VPS16: variants seen among roughly 807,000 people sequenced by gnomAD.
VPS16 encodes vacuolar protein sorting-associated protein 16 homolog.
VPS16 carries 82 observed loss-of-function variants against 116.0 expected under a neutral mutation model. That is an observed-to-expected ratio of 0.71 (90% confidence interval 0.59 to 0.85). The LOEUF is 0.85. Ranked by LOEUF, VPS16 falls within the 40% of genes least tolerant of loss-of-function variation. The pLI is 0.00. For synonymous variants in VPS16, 406 were observed against 420.7 expected, an observed-to-expected ratio of 0.96 and a Z score of 0.43; for missense variants, 928 against 1,090.6, an observed-to-expected ratio of 0.85 and a Z score of 2.10.
At position 2,860,292 on chromosome 20, in the gene VPS16, C is replaced by G; in HGVS notation, c.294C>G (p.Leu98=). The G allele has an allele frequency of 6.2e-7, 1 of 1,614,038 alleles. No individual in the cohort carries two copies. Among genetic ancestry groups the G allele is most frequent in the Non-Finnish European group, 8.5e-7 (1 of 1,180,006 alleles). ...SLGWSAEEEL[L]CVQEDGAVLV... is the part of the protein sequence containing the mutation. ...GCTGGTCAGCTGAGGAGGAGCTGCTCTGTGTGCAGGAAGATGGTGCTGTAC... is the reference window on the plus strand; with the variant it reads ...GCTGGTCAGCTGAGGAGGAGCTGCTGTGTGTGCAGGAAGATGGTGCTGTAC... Residue 98 remains leucine, a synonymous_variant, in exon 4 of 24, where the codon CTC becomes CTG. Coordinates refer to ENST00000380445, the MANE Select transcript of VPS16 (RefSeq NM_022575.4). This position sits in a 1 kb window ranked among gnomAD's most constrained non-coding sequence, Gnocchi z 6.1.
At position 2,864,666 on chromosome 20, in the gene VPS16, A is replaced by G. The variant is rs1555797867; in HGVS notation, c.1926+12A>G. 11 of 1,613,250 alleles carry G rather than the reference A, an allele frequency of 6.8e-6. No homozygotes were observed. The highest frequency in any genetic ancestry group is 9.3e-6 in the Non-Finnish European group (11 of 1,179,694). On this transcript the variant is annotated intron_variant, in intron 19 of 23. Coordinates refer to ENST00000380445, the MANE Select transcript of VPS16 (RefSeq NM_022575.4). This position sits in a 1 kb window ranked among gnomAD's most constrained non-coding sequence, Gnocchi z 5.2. ...ATGCTGCAGAAGAGGTCTGAGATCCATGGGGCGTGTGGGGCGTGTGGGGCA... is the reference window on the plus strand; with the variant it reads ...ATGCTGCAGAAGAGGTCTGAGATCCGTGGGGCGTGTGGGGCGTGTGGGGCA...
Position 2,860,423 on chromosome 20 carries a change from C to T in VPS16, c.370-26C>T. 1.2e-6 allele frequency: 2 copies of T among 1,614,036 alleles called. No homozygotes were observed. The highest frequency in any genetic ancestry group is 2.2e-5 in the South Asian group (2 of 91,082). On this transcript the variant is annotated intron_variant, in intron 4 of 23. Transcript: ENST00000380445. This position sits in a 1 kb window ranked among gnomAD's most constrained non-coding sequence, Gnocchi z 6.1. Reference sequence around the variant, plus strand: ...GTAGAGTTTATGACCCTGTGGCTCCCTTAACCCATGGCCCCCTTTCCTCAG... The same window carrying T: ...GTAGAGTTTATGACCCTGTGGCTCCTTTAACCCATGGCCCCCTTTCCTCAG...
rs1568627613 is a variant in VPS16 at position 2,861,209 on chromosome 20, G to T, written c.754-16G>T. The T allele has an allele frequency of 1.9e-6, 3 of 1,614,198 alleles. No homozygotes were observed. The highest frequency in any genetic ancestry group is 2.2e-5 in the East Asian group (1 of 44,880). On this transcript the variant is annotated splice_polypyrimidine_tract_variant and intron_variant, in intron 7 of 23. Transcript: ENST00000380445. ...ACTGCTGGGACAGGGCCATGACATT[G>T]CCCACACCATTTCAGGAGAAGCTAT...
At position 2,860,192 on chromosome 20, in the gene VPS16, G is replaced by C. The variant is rs769000519; in HGVS notation, c.240+41G>C. 17 of 1,613,832 alleles carry C rather than the reference G, an allele frequency of 1.1e-5. No individual in the cohort carries two copies. In the Admixed American group the frequency reaches 2.3e-4, roughly 22 times the overall value. Reference sequence around the variant, plus strand: ...GGTCCCTGGGGCTCAGGGCTGGACAGGGTTTCCTCACCTGAGGACAGCCTT... The same window carrying C: ...GGTCCCTGGGGCTCAGGGCTGGACACGGTTTCCTCACCTGAGGACAGCCTT... On this transcript the variant is annotated intron_variant, in intron 3 of 23. Transcript: ENST00000380445. This position sits in a 1 kb window ranked among gnomAD's most constrained non-coding sequence, Gnocchi z 6.1.
In VPS16 at chr20:2,861,088, T is replaced by C. The variant is rs1448423583; in HGVS notation, c.749T>C (p.Leu250Pro). The change falls in exon 7 of 24, where the codon CTC (leucine) becomes CCC (proline). Residue 250 changes from leucine (L) to proline (P), a missense_variant. Coordinates refer to ENST00000380445, the MANE Select transcript of VPS16 (RefSeq NM_022575.4). ...TACATCTGGATGGGGACAGCATCAC[T>C]CAAGGTATGATCCTGGGGCAACACA... ...TGYIWMGTAS[L>P]KEKLCEFNCN... 1 of 1,614,184 alleles carries C rather than the reference T, an allele frequency of 6.2e-7. No individual in the cohort carries two copies. The highest frequency in any genetic ancestry group is 1.1e-5 in the South Asian group (1 of 91,088).
chr20:2,855,921 A>G (rs192251497), intron 1 of VPS16, among the ~76,000 whole-genome samples: 242 of 152,354 alleles, frequency 1.6e-3, no homozygotes, highest in Middle Eastern at 3.4e-3. Context: ...CAAAAAGGCT[A>G]CTTTGCTTTC....
chr20:2,854,240 C>CACACACACAA (rs1337317532), intron 1 of VPS16, among the ~76,000 whole-genome samples: 4 of 136,604 alleles, frequency 2.9e-5, no homozygotes, highest in African/African-American at 1.1e-4. Context: ...CCCGTCTCTA[C>CACACACACAA]ACACACACAC....
rs1417207387 is a variant in VPS16, at chr20:2,863,933, C to G, written c.1477-16C>G. The G allele has an allele frequency of 1.7e-5, 28 of 1,611,756 alleles. No homozygotes were observed. Among genetic ancestry groups the G allele is most frequent in the Non-Finnish European group, 2.1e-5 (25 of 1,178,524 alleles). ...AATGGCATCCAGATGTTTGTGACAC[C>G]CCGCATCCCTTGCAGGTGCAACAGA... is the stretch of plus-strand genomic sequence containing the variant. On this transcript the variant is annotated splice_polypyrimidine_tract_variant and intron_variant, in intron 15 of 23. Coordinates refer to ENST00000380445, the MANE Select transcript of VPS16 (RefSeq NM_022575.4). The surrounding 1 kb of genome is among the most constrained non-coding windows in gnomAD (Gnocchi z 4.4).
At position 2,863,157 on chromosome 20, in the gene VPS16, C is replaced by G; in HGVS notation, c.1367+57C>G. On this transcript the variant is annotated intron_variant, in intron 14 of 23. Coordinates refer to ENST00000380445, the MANE Select transcript of VPS16 (RefSeq NM_022575.4). The surrounding 1 kb of genome is among the most constrained non-coding windows in gnomAD (Gnocchi z 4.4). ...CTGTCAGGGGGGTGGGCATTACAGCCTTGGGTGGGGTCTTATGGTCACTGC... is the reference window on the plus strand; with the variant it reads ...CTGTCAGGGGGGTGGGCATTACAGCGTTGGGTGGGGTCTTATGGTCACTGC... 1 of 1,612,910 alleles carries G rather than the reference C, an allele frequency of 6.2e-7. No individual in the cohort carries two copies. The highest frequency in any genetic ancestry group is 8.5e-7 in the Non-Finnish European group (1 of 1,179,640).
Position 2,866,408 on chromosome 20 carries a change from T to A in VPS16, c.2376-22T>A, listed in dbSNP as rs752082477. 16 of 1,613,980 alleles carry A rather than the reference T, an allele frequency of 9.9e-6. No homozygotes were observed. The East Asian group carries it at 3.6e-4, about 36-fold the overall frequency. On this transcript the variant is annotated intron_variant, in intron 23 of 23. Transcript: ENST00000380445. Reference sequence around the variant, plus strand: ...GCCCTTGAGCAGCCCCAACACCACCTCCTCTCTTGCTCAAACCACAGCGAT... The same window carrying A: ...GCCCTTGAGCAGCCCCAACACCACCACCTCTCTTGCTCAAACCACAGCGAT...
At chr20:2,842,945 T>G (rs1220969546) in intron 1 of VPS16, among the ~76,000 whole-genome samples, 2 of 121,410 alleles carry the variant, frequency 1.6e-5, no homozygotes, top group African/African-American at 6.9e-5. Flanking sequence ...AGACATTGCA[T>G]GGGGGTCTTA....
intron 1 of VPS16, among the ~76,000 whole-genome samples, chr20:2,851,842 G>C (rs1300848133): frequency 1.3e-5 from 2 of 152,124 alleles, no homozygotes; most frequent in African/African-American, 2.4e-5. Context: ...GTGATGGCAG[G>C]CTCCTGTAGT....
At chr20:2,858,611 T>A (rs2089197883) in intron 1 of VPS16, among the ~76,000 whole-genome samples, 1 of 152,138 alleles carries the variant, frequency 6.6e-6, no homozygotes, top group African/African-American at 2.4e-5. Flanking sequence ...TGAAATGCCC[T>A]TCTTAAACAC....
At chr20:2,859,830 C>T (rs1394705462) in intron 2 of VPS16, 23 bp downstream of exon 2, 4 of 1,601,550 alleles carry the variant, frequency 2.5e-6, no homozygotes, top group Middle Eastern at 3.4e-4. Context: ...TCCACCACCA[C>T]CTGCTCTGGG....
chr20:2,862,534 G>A (rs2089243123), intron 11 of VPS16, 45 bp from the exon 12 acceptor site: 4 of 1,596,566 alleles, frequency 2.5e-6, no homozygotes, highest in African/African-American at 1.3e-5. Flanking sequence ...AGATGTGGGA[G>A]TGTTCTCTGT....
At chr20:2,845,977 T>G (rs535114944) in intron 1 of VPS16, among the ~76,000 whole-genome samples, 67 of 152,336 alleles carry the variant, frequency 4.4e-4, no homozygotes, top group African/African-American at 1.6e-3. Flanking sequence ...TATGCCATTG[T>G]ATGCATCTAC....
Position 2,864,239 on chromosome 20 carries a change from A to T in VPS16, c.1672A>T (p.Ser558Cys), listed in dbSNP as rs752811545. 1.9e-6 allele frequency: 3 copies of T among 1,614,010 alleles called. No individual in the cohort carries two copies. The highest frequency in any genetic ancestry group is 3.3e-5 in the Admixed American group (2 of 60,002). Residue 558 changes from serine to cysteine, a missense_variant, in exon 17 of 24, where the codon AGC becomes TGC. Physicochemically the swap from Ser to Cys is moderately radical, Grantham distance 112. Coordinates refer to ENST00000380445, the MANE Select transcript of VPS16 (RefSeq NM_022575.4). This position sits in a 1 kb window ranked among gnomAD's most constrained non-coding sequence, Gnocchi z 5.2. The stretch of plus-strand genomic sequence containing the variant: ...ACCCCTTCTCCTAAAGATGAAGAGG[A>T]GCAAACTGGCACTAAGCAAGGCCAT... The part of the protein sequence containing the change: ...QVPLLLKMKR[S>C]KLALSKAIES...
Position 2,866,672 on chromosome 20 carries a change from G to T in VPS16, c.*98G>T. The T allele has an allele frequency of 1.3e-6, 2 of 1,535,358 alleles. No homozygotes were observed. The highest frequency in any genetic ancestry group is 1.8e-6 in the Non-Finnish European group (2 of 1,135,474). On this transcript the variant is annotated 3_prime_UTR_variant, in exon 24 of 24. Transcript: ENST00000380445. ...CATCCAGCTCCTCCCCTAGAGCAAT[G>T]CTGAGGAGCGGGGGCATGGTAGCAG...
In VPS16 at chr20:2,866,224, A is replaced by C; in HGVS notation, c.2284A>C (p.Ile762Leu). 6.2e-7 allele frequency: 1 copy of C among 1,614,028 alleles called. No homozygotes were observed. Among genetic ancestry groups the C allele is most frequent in the Non-Finnish European group, 8.5e-7 (1 of 1,180,006 alleles). The change falls in exon 23 of 24, where the codon ATC becomes CTC. Residue 762 changes from isoleucine to leucine, a missense_variant. By Grantham distance (5) the Ile-to-Leu change is conservative (BLOSUM62 2). Transcript: ENST00000380445. Reference sequence around the variant, plus strand: ...CCTCTCCTCCAAGCCTTTTGTGGAGATCTGCATGAAACAACATAACAAATA... The same window carrying C: ...CCTCTCCTCCAAGCCTTTTGTGGAGCTCTGCATGAAACAACATAACAAATA... ...SPIGYLPFVE[I>L]CMKQHNKYEA...
Sources: gnomAD v4.1 joint callset for allele counts (sites outside exome capture counted in the v4.1 genomes callset) on GRCh38, gnomAD v4.1.1 for gene constraint, Gnocchi (gnomAD v3.1) non-coding constraint, MANE v1.5 for transcripts, NCBI Gene and HGNC (gene_info 2026-07-23, HGNC 2026-07-21) for gene names.